Variants in TRPM8 observed in about 807,000 individuals in gnomAD.
The protein encoded by TRPM8 is transient receptor potential cation channel subfamily M member 8.
Under a neutral mutation model 133.7 loss-of-function variants are expected in TRPM8, and 110 were observed. The ratio of observed to expected loss-of-function variants is 0.82; its 90% CI spans 0.70 to 0.96. The LOEUF (loss-of-function observed/expected upper bound fraction) is 0.96, where lower values mean the gene tolerates loss of function less well. TRPM8 is among the 40% of genes least tolerant of loss of function. The pLI is 0.00. For missense variants in TRPM8, 1,291 were observed against 1,379.5 expected (o/e 0.94, Z 1.02); for synonymous variants, 535 against 532.3 (o/e 1.01, Z -0.07).
intron 11 of TRPM8, among the ~76,000 whole-genome samples, chr2:233,960,006 C>T (rs1460666699): frequency 6.6e-6 from 1 of 151,056 alleles, no homozygotes; most frequent in African/African-American, 2.4e-5. Context: ...TGGTCTCAAA[C>T]TCCTGACCTC....
At chr2:233,975,104 C>A (rs539667325) in intron 17 of TRPM8, among the ~76,000 whole-genome samples, 1 of 152,294 alleles carries the variant, frequency 6.6e-6, no homozygotes, top group East Asian at 1.9e-4. Context: ...TTTCCAGTTC[C>A]TAACACATAC....
intron 8 of TRPM8, among the ~76,000 whole-genome samples, chr2:233,948,152 G>A (rs1425112819): frequency 6.6e-6 from 1 of 152,140 alleles, no homozygotes; most frequent in Non-Finnish European, 1.5e-5. Flanking sequence ...GTAAGTGCTG[G>A]CAAAGTTATC....
chr2:233,966,083 CAG>C (rs1691563656), intron 14 of TRPM8: 1 of 153,174 alleles, frequency 6.5e-6, no homozygotes, highest in Non-Finnish European at 1.5e-5. Context: ...CTCCTGACCT[CAG>C]GTGATCCACA....
At chr2:233,927,787 T>TTTC (rs1691567425) in intron 2 of TRPM8, among the ~76,000 whole-genome samples, 14 of 33,708 alleles carry the variant, frequency 4.2e-4, no homozygotes, top group Admixed American at 6.7e-4. Flanking sequence ...TCTTTCTTTC[T>TTTC]TTCTTTTCTT....
At chr2:233,962,385 C>T (rs1691461291) in intron 12 of TRPM8, among the ~76,000 whole-genome samples, 1 of 152,160 alleles carries the variant, frequency 6.6e-6, no homozygotes, top group East Asian at 1.9e-4. Context: ...TAGTTATCCA[C>T]CAAGAGAATT....
intron 23 of TRPM8, 109 bp downstream of exon 23, chr2:234,007,061 G>T: frequency 1.4e-6 from 1 of 698,184 alleles, no homozygotes; most frequent in South Asian, 1.7e-5. Context: ...TTTCAACAGA[G>T]AATAATACCA....
chr2:233,981,938 GTCA>G, intron 19 of TRPM8, 23 bp downstream of exon 19: 1 of 1,579,632 alleles, frequency 6.3e-7, no homozygotes, highest in Non-Finnish European at 8.6e-7. Flanking sequence ...AATATTTGTA[GTCA>G]TCATTTTTCT....
chr2:233,927,938 C>CTCTT (rs1691596490), intron 2 of TRPM8, among the ~76,000 whole-genome samples: 2 of 64,280 alleles, frequency 3.1e-5, no homozygotes, highest in Middle Eastern at 5.8e-3. Flanking sequence ...CTCTCTCTCT[C>CTCTT]TCTCTCTCTC....
intron 10 of TRPM8, among the ~76,000 whole-genome samples, chr2:233,954,459 T>C (rs1691244056): frequency 6.6e-6 from 1 of 152,234 alleles, no homozygotes; most frequent in African/African-American, 2.4e-5. Context: ...GGCTTATGAA[T>C]GAACCTCAGG....
intron 25 of TRPM8, among the ~76,000 whole-genome samples, chr2:234,016,366 T>C (rs80348191): frequency 6.6e-6 from 1 of 152,184 alleles, no homozygotes. Context: ...TATAAGATCA[T>C]TTTTTTGAAT....
At chr2:233,979,018 G>A (rs769829857) in intron 17 of TRPM8, among the ~76,000 whole-genome samples, 2 of 152,148 alleles carry the variant, frequency 1.3e-5, no homozygotes, top group Non-Finnish European at 2.9e-5. Flanking sequence ...CAACTGACTC[G>A]GGCTCAGAAT....
intron 9 of TRPM8, among the ~76,000 whole-genome samples, chr2:233,953,089 C>T (rs973412720): frequency 2.0e-5 from 3 of 152,184 alleles, no homozygotes; most frequent in Non-Finnish European, 2.9e-5. Flanking sequence ...TCATCACCTA[C>T]CTGGGTGCTT....
At chr2:233,963,105 G>T (rs28948671) in intron 12 of TRPM8, among the ~76,000 whole-genome samples, 177 bp from the exon 13 acceptor site, 5,974 of 152,112 alleles carry the variant, frequency 0.039, 133 homozygotes, top group East Asian at 0.059. Context: ...GAAAGATTTG[G>T]TGTCAAAATT....
chr2:233,982,510 C>T (rs2125286455), intron 19 of TRPM8, among the ~76,000 whole-genome samples: 1 of 152,286 alleles, frequency 6.6e-6, no homozygotes, highest in East Asian at 1.9e-4. Context: ...AAGCTCCATT[C>T]CAACACTGAG....
intron 1 of TRPM8, among the ~76,000 whole-genome samples, chr2:233,923,605 A>G (rs921775598): frequency 1.3e-5 from 2 of 152,172 alleles, no homozygotes; most frequent in Admixed American, 6.5e-5. Flanking sequence ...CTGGTTTGAC[A>G]TGGGGTCACA....
intron 22 of TRPM8, among the ~76,000 whole-genome samples, chr2:233,998,310 G>T (rs1244824015): frequency 6.6e-6 from 1 of 152,162 alleles, no homozygotes; most frequent in East Asian, 1.9e-4. Flanking sequence ...TAATGTATTT[G>T]TTTTACACCA....
chr2:233,955,262 G>A lies in TRPM8; in HGVS notation c.1362+12G>A. ...ACCGCCGATGGGAGGTAAGCACGAA[G>A]CTCTCCTGGGTTATTCCAGTGTTGG... On this transcript the variant is annotated intron_variant, in intron 11 of 25. Coordinates refer to ENST00000324695, the MANE Select transcript of TRPM8 (RefSeq NM_024080.5). 1 of 1,601,726 alleles carries A rather than the reference G, an allele frequency of 6.2e-7. No individual in the cohort carries two copies.
At chr2:234,001,953 A>G (rs998411123) in intron 22 of TRPM8, among the ~76,000 whole-genome samples, 1 of 152,214 alleles carries the variant, frequency 6.6e-6, no homozygotes, top group African/African-American at 2.4e-5. Context: ...GCTAGAAGCT[A>G]TCTGTGCCCT....
intron 22 of TRPM8, among the ~76,000 whole-genome samples, chr2:234,005,171 C>G (rs564442615): frequency 8.5e-4 from 130 of 152,136 alleles, no homozygotes; most frequent in African/African-American, 3.1e-3. Context: ...GCTGTCCCCC[C>G]TCCTCCACCT....
Sources: gnomAD v4.1 joint callset for allele counts (sites outside exome capture counted in the v4.1 genomes callset) on GRCh38, gnomAD v4.1.1 for gene constraint, MANE v1.5 for transcripts, NCBI Gene and HGNC (gene_info 2026-07-23, HGNC 2026-07-21) for gene names.